The following SEMA3E variants were observed in gnomAD, a reference collection of about 807,000 sequenced individuals.
SEMA3E encodes the protein semaphorin-3E.
Under a neutral mutation model 93.6 loss-of-function variants are expected in SEMA3E, and 49 were observed. That is an observed-to-expected ratio of 0.52 (90% CI 0.42 to 0.66). SEMA3E has a LOEUF of 0.66. SEMA3E is among the 30% of genes least tolerant of loss of function. The probability of loss-of-function intolerance (pLI) is 0.00; values close to 1 mark genes in which losing one functional copy is unlikely to be tolerated. For missense variants in SEMA3E, 906 were observed against 964.8 expected, an observed-to-expected ratio of 0.94 and a Z score of 0.81; for synonymous variants, 363 against 330.7, an observed-to-expected ratio of 1.10 and a Z score of -1.06.
chr7:83,435,075 A>G (rs1280410016), intron 4 of SEMA3E, among the ~76,000 whole-genome samples: 1 of 152,180 alleles, frequency 6.6e-6, no homozygotes, highest in Non-Finnish European at 1.5e-5. Context: ...TTATCTAAAA[A>G]TAAGTGTCCT....
intron 1 of SEMA3E, among the ~76,000 whole-genome samples, chr7:83,593,685 C>T (rs1792808449): frequency 6.6e-6 from 1 of 151,762 alleles, no homozygotes; most frequent in Non-Finnish European, 1.5e-5. Flanking sequence ...TGATGAATTT[C>T]ATTTTAAACA....
chr7:83,578,976 T>C (rs1792463842), intron 1 of SEMA3E, among the ~76,000 whole-genome samples: 2 of 152,080 alleles, frequency 1.3e-5, no homozygotes, highest in South Asian at 4.1e-4. Context: ...ATCAGAAATA[T>C]ATAGAAATTA....
At chr7:83,547,081 G>A (rs17157794) in intron 1 of SEMA3E, among the ~76,000 whole-genome samples, 4,086 of 152,220 alleles carry the variant, frequency 0.027, 177 homozygotes, top group African/African-American at 0.092. Flanking sequence ...TTGCCTATGT[G>A]ATACATCCTG....
At chr7:83,483,445 ATATT>A (rs1790189329) in intron 2 of SEMA3E, among the ~76,000 whole-genome samples, 2 of 152,160 alleles carry the variant, frequency 1.3e-5, no homozygotes, top group African/African-American at 2.4e-5. Flanking sequence ...TGTATTAAAA[ATATT>A]TATAGTTTGA....
At chr7:83,572,656 CA>C (rs773941112) in intron 1 of SEMA3E, among the ~76,000 whole-genome samples, 1 of 150,650 alleles carries the variant, frequency 6.6e-6, no homozygotes, top group Non-Finnish European at 1.5e-5. Context: ...CAAAACAAAA[CA>C]AAAAAACAAA....
chr7:83,371,806 C>T (rs1794752942), intron 16 of SEMA3E: 1 of 152,422 alleles, frequency 6.6e-6, no homozygotes, highest in East Asian at 1.9e-4. Context: ...TACTGTCTAC[C>T]AATCCATTTG....
rs542293359 is a variant in SEMA3E at position 83,461,944 on chromosome 7, G to A, written c.456+4538C>T. 2.6e-4 allele frequency: 39 copies of A among 152,368 alleles called. 1 individual carries two copies. The South Asian group carries it at 4.8e-3, about 19-fold the overall frequency. 9.4% of individuals were successfully genotyped at this position (152,368 alleles called of 1,614,324 possible). On this transcript the variant is annotated intron_variant, in intron 4 of 16. Transcript: ENST00000643230. ...CCCCCAGGAGCTTGCTACATGTGCCGGAAATCTGGCCACTGGGCCAAGGAA... is the reference window on the plus strand; with the variant it reads ...CCCCCAGGAGCTTGCTACATGTGCCAGAAATCTGGCCACTGGGCCAAGGAA...
chr7:83,569,325 A>G, intron 1 of SEMA3E, among the ~76,000 whole-genome samples: 1 of 152,136 alleles, frequency 6.6e-6, no homozygotes, highest in Non-Finnish European at 1.5e-5. Flanking sequence ...TAAAGCAATT[A>G]CATAATTAAG....
intron 4 of SEMA3E, among the ~76,000 whole-genome samples, chr7:83,439,488 T>C (rs1789067849): frequency 6.6e-6 from 1 of 152,234 alleles, no homozygotes; most frequent in South Asian, 2.1e-4. Context: ...GCTTTTTGGT[T>C]GTTTCTCAGG....
At chr7:83,582,122 C>A (rs1442920260) in intron 1 of SEMA3E, among the ~76,000 whole-genome samples, 1 of 150,512 alleles carries the variant, frequency 6.6e-6, no homozygotes, top group African/African-American at 2.4e-5. Context: ...AGCATTTTTC[C>A]CATATATAAA....
rs768289406 is a variant in SEMA3E at position 83,390,206 on chromosome 7, C to CATATATGCGCGT, written c.1667+2337_1667+2348dup. Among the ~76,000 whole-genome samples, 73 of 82,568 alleles carry CATATATGCGCGT rather than the reference C, an allele frequency of 8.8e-4. 16 individuals carry two copies. The highest frequency in any genetic ancestry group is 4.7e-3 in the African/African-American group (66 of 14,124). 54.2% of individuals were successfully genotyped at this position (82,568 alleles called of 152,430 possible). A position where few individuals can be genotyped will look rare whatever the true frequency, so the allele number is the denominator to read the frequency against. On this transcript the variant is annotated intron_variant, in intron 14 of 16. Transcript: ENST00000643230. ...ACATATATGCGCGTATACGTGTGCA[C>CATATATGCGCGT]ATATATGCGCGTATATATGCGCGTA...
intron 4 of SEMA3E, among the ~76,000 whole-genome samples, chr7:83,428,603 A>G (rs1218788674): frequency 1.3e-5 from 2 of 152,158 alleles, no homozygotes; most frequent in East Asian, 3.9e-4. Context: ...CCTGCCAAGC[A>G]ATAAAAATAT....
chr7:83,392,483 TAAAAAAA>T (rs58582279), intron 14 of SEMA3E, 65 bp downstream of exon 14: 174 of 1,464,610 alleles, frequency 1.2e-4, no homozygotes, highest in Middle Eastern at 1.8e-4. Context: ...AACTTCAAGT[TAAAAAAA>T]AAAAAAAAAA....
At chr7:83,633,409 C>G (rs1355212905) in intron 1 of SEMA3E, among the ~76,000 whole-genome samples, 1 of 152,156 alleles carries the variant, frequency 6.6e-6, no homozygotes, top group Admixed American at 6.6e-5. Flanking sequence ...AATAAATTTG[C>G]TTCTACCACA....
At chr7:83,565,690 A>T (rs1792133240) in intron 1 of SEMA3E, among the ~76,000 whole-genome samples, 1 of 152,118 alleles carries the variant, frequency 6.6e-6, no homozygotes, top group African/African-American at 2.4e-5. Context: ...AAGGGACTTG[A>T]GGGTGTTTCT....
chr7:83,513,980 G>A (rs142117279), intron 1 of SEMA3E, among the ~76,000 whole-genome samples: 49 of 152,214 alleles, frequency 3.2e-4, no homozygotes, highest in Admixed American at 6.5e-4. Flanking sequence ...GAGATAGGAG[G>A]TCAGCATAAA....
At chr7:83,580,210 A>C (rs1792491652) in intron 1 of SEMA3E, among the ~76,000 whole-genome samples, 1 of 152,010 alleles carries the variant, frequency 6.6e-6, no homozygotes, top group African/African-American at 2.4e-5. Flanking sequence ...AGAATATTCT[A>C]ATGTTTCTAT....
At chr7:83,422,395 G>C (rs919602148) in intron 4 of SEMA3E, among the ~76,000 whole-genome samples, 3 of 152,108 alleles carry the variant, frequency 2.0e-5, no homozygotes, top group African/African-American at 7.2e-5. Flanking sequence ...GAATAAGTTT[G>C]TCCAAATGAG....
chr7:83,642,486 T>C (rs554589034), intron 1 of SEMA3E, among the ~76,000 whole-genome samples: 4 of 152,146 alleles, frequency 2.6e-5, no homozygotes, highest in Non-Finnish European at 4.4e-5. Context: ...AAATGTGGTA[T>C]GGACATGTCC....
Sources: gnomAD v4.1 joint callset for allele counts (sites outside exome capture counted in the v4.1 genomes callset) on GRCh38, gnomAD v4.1.1 for gene constraint, MANE v1.5 for transcripts, NCBI Gene and HGNC (gene_info 2026-07-23, HGNC 2026-07-21) for gene names.